The following PPP1R10 variants were observed in gnomAD, a reference collection of about 807,000 sequenced individuals.
The protein encoded by PPP1R10 is serine/threonine-protein phosphatase 1 regulatory subunit 10.
Under a neutral mutation model 99.0 loss-of-function variants are expected in PPP1R10, and 15 were observed. The ratio of observed to expected loss-of-function variants is 0.15; its 90% CI spans 0.10 to 0.23. The LOEUF is 0.23. Ranked by LOEUF, PPP1R10 falls within the 10% of genes least tolerant of loss-of-function variation. PPP1R10 has a pLI of 1.00. For missense variants in PPP1R10, 947 were observed against 1,259.4 expected (o/e 0.75, Z 3.75); for synonymous variants, 430 against 449.5 (o/e 0.96, Z 0.55).
intron 1 of PPP1R10, 21 bp from the exon 2 acceptor site, chr6:30,617,019 G>C (rs887235336): frequency 6.6e-6 from 1 of 152,200 alleles, no homozygotes; most frequent in African/African-American, 2.4e-5. Context: ...AGGAACACAA[G>C]GGAGAAAGAT....
intron 5 of PPP1R10, among the ~76,000 whole-genome samples, chr6:30,608,513 G>A (rs1036749166): frequency 6.6e-6 from 1 of 152,044 alleles, no homozygotes; most frequent in African/African-American, 2.4e-5. Context: ...ACGTCAGCCA[G>A]GATGGTCTCA....
chr6:30,615,387 C>T (rs1760367053), intron 2 of PPP1R10, among the ~76,000 whole-genome samples: 1 of 152,066 alleles, frequency 6.6e-6, no homozygotes, highest in African/African-American at 2.4e-5. Flanking sequence ...GAGGTTCAAC[C>T]GGCTACCATC....
At chr6:30,610,020 G>A in intron 2 of PPP1R10, 65 bp from the exon 3 acceptor site, 2 of 1,002,632 alleles carry the variant, frequency 2.0e-6, no homozygotes, top group Non-Finnish European at 1.6e-6. Context: ...TACCCGAGTA[G>A]GCCCTCTAAT....
intron 2 of PPP1R10, among the ~76,000 whole-genome samples, chr6:30,612,275 T>A (rs1388035863): frequency 1.3e-5 from 2 of 152,178 alleles, no homozygotes; most frequent in Non-Finnish European, 2.9e-5. Flanking sequence ...TTTTTGCATA[T>A]CCAACTACAA....
chr6:30,601,359 G>A lies in PPP1R10; in HGVS notation c.*190C>T. On this transcript the variant is annotated 3_prime_UTR_variant, in exon 20 of 20. Coordinates refer to ENST00000376511, the MANE Select transcript of PPP1R10 (RefSeq NM_002714.4). ...CAGTCTCTCTCCTCCCCAGACTGGA[G>A]GAAAATATGTACATCAATGCGCACC... is the stretch of plus-strand genomic sequence containing the variant. The A allele has an allele frequency of 5.1e-6, 3 of 588,310 alleles. No homozygotes were observed. Among genetic ancestry groups the A allele is most frequent in the South Asian group, 4.3e-5 (2 of 47,008 alleles). The allele number at this position is 588,310 out of a possible 1,614,324, so 36.4% of individuals were successfully genotyped here.
Position 30,606,304 on chromosome 6 carries a change from C to T in PPP1R10, c.635-61G>A. 1 of 1,583,650 alleles carries T rather than the reference C, an allele frequency of 6.3e-7. No individual in the cohort carries two copies. Among genetic ancestry groups the T allele is most frequent in the Non-Finnish European group, 8.6e-7 (1 of 1,158,006 alleles). On this transcript the variant is annotated intron_variant, in intron 8 of 19. Coordinates refer to ENST00000376511, the MANE Select transcript of PPP1R10 (RefSeq NM_002714.4). The surrounding 1 kb of genome is among the most constrained non-coding windows in gnomAD (Gnocchi z 6.3). ...AAACCCCAGACCCCCGAATTTTCCT[C>T]CCGTTCTCACCCGCAAATGTTCTTC...
rs1384255514 is a variant in PPP1R10 at position 30,602,283 on chromosome 6, C to A, written c.2366G>T (p.Gly789Val). 5 of 1,612,066 alleles carry A rather than the reference C, an allele frequency of 3.1e-6. No individual in the cohort carries two copies. The highest frequency in any genetic ancestry group is 2.7e-5 in the African/African-American group (2 of 74,770). ...SGHRPHEGPG[G>V]SMGGGGGHRP... ...ATGTCCTCCACCCCCACCCATGCTACCACCAGGGCCTTCATGGGGGCGATG... is the reference window on the plus strand; with the variant it reads ...ATGTCCTCCACCCCCACCCATGCTAACACCAGGGCCTTCATGGGGGCGATG... Residue 789 changes from glycine (G) to valine (V), a missense_variant, in exon 19 of 20, where the codon GGT (glycine) becomes GTT (valine). Physicochemically the swap from Gly to Val is moderately radical, Grantham distance 109. Around this residue, in one of 10 missense-constraint regions of PPP1R10, gnomAD observed 525 missense variants for 578.8 expected, o/e 0.91. Coordinates refer to ENST00000376511, the MANE Select transcript of PPP1R10 (RefSeq NM_002714.4). The surrounding 1 kb of genome is among the most constrained non-coding windows in gnomAD (Gnocchi z 6.7).
intron 2 of PPP1R10, among the ~76,000 whole-genome samples, chr6:30,612,063 T>C (rs1384464638): frequency 2.0e-5 from 3 of 152,194 alleles, no homozygotes; most frequent in African/African-American, 4.8e-5. Flanking sequence ...TGGGTTCCAA[T>C]AACAACATAT....
At position 30,604,644 on chromosome 6, in the gene PPP1R10, G is replaced by A. The variant is rs1417086223; in HGVS notation, c.1046C>T (p.Ala349Val). 1 of 1,613,108 alleles carries A rather than the reference G, an allele frequency of 6.2e-7. No individual in the cohort carries two copies. Among genetic ancestry groups the A allele is most frequent in the Non-Finnish European group, 8.5e-7 (1 of 1,180,038 alleles). Residue 349 changes from alanine to valine, a missense_variant, in exon 12 of 20, where the codon GCA (alanine) becomes GTA (valine). By Grantham distance (64) the Ala-to-Val change is moderately conservative. Around this residue, in one of 10 missense-constraint regions of PPP1R10, gnomAD observed 100 missense variants for 105.8 expected, o/e 0.94. Transcript: ENST00000376511. This position sits in a 1 kb window ranked among gnomAD's most constrained non-coding sequence, Gnocchi z 7.3. ...GGGAACCGGGGTGCCTGGACGGTCT[G>A]CGTCCATTGCCTCAGAAGGTGGTGC... ...EPAPPSEAMD[A>V]DRPGTPVPPV...
intron 6 of PPP1R10, among the ~76,000 whole-genome samples, chr6:30,607,571 A>G (rs1436849076): frequency 6.6e-6 from 1 of 152,184 alleles, no homozygotes; most frequent in Non-Finnish European, 1.5e-5. Context: ...TTTTAAGTGT[A>G]TGTGTTTTAT....
At chr6:30,608,015 G>T (rs1399785536) in intron 5 of PPP1R10, 124 bp from the exon 6 acceptor site, 3 of 974,870 alleles carry the variant, frequency 3.1e-6, no homozygotes, top group Admixed American at 2.4e-5. Flanking sequence ...TTGAGACGGA[G>T]TCTCACTCTG....
rs1486083832 is a variant in PPP1R10, at chr6:30,604,572, C to G, written c.1102+16G>C. 1 of 1,612,810 alleles carries G rather than the reference C, an allele frequency of 6.2e-7. No homozygotes were observed. The highest frequency in any genetic ancestry group is 1.1e-5 in the South Asian group (1 of 91,044). Reference sequence around the variant, plus strand: ...CTTTCAGAAAACCCCCCAAACTGAACCAGTTTCTAGATTACCTGTATCCAT... The same window carrying G: ...CTTTCAGAAAACCCCCCAAACTGAAGCAGTTTCTAGATTACCTGTATCCAT... On this transcript the variant is annotated intron_variant, in intron 12 of 19. Coordinates refer to ENST00000376511, the MANE Select transcript of PPP1R10 (RefSeq NM_002714.4). This position sits in a 1 kb window ranked among gnomAD's most constrained non-coding sequence, Gnocchi z 7.3.
rs1450310207 is a variant in PPP1R10 at position 30,603,806 on chromosome 6, G to A, written c.1546C>T (p.Pro516Ser). 1 of 1,541,414 alleles carries A rather than the reference G, an allele frequency of 6.5e-7. No individual in the cohort carries two copies. Among genetic ancestry groups the A allele is most frequent in the Non-Finnish European group, 8.7e-7 (1 of 1,145,868 alleles). The change falls in exon 15 of 20, where the codon CCC becomes TCC. Residue 516 changes from proline (P) to serine (S), a missense_variant. Physicochemically the swap from Pro to Ser is moderately conservative, Grantham distance 74. Transcript: ENST00000376511. ...TCATCTAGGGGGATGAGTTTAGGGG[G>A]TATGGGCTCGTAGGGCTCAGGATCA... ...EPDPEPYEPI[P>S]PKLIPLDEEC...
intron 5 of PPP1R10, 144 bp from the exon 6 acceptor site, chr6:30,608,035 C>G: frequency 1.2e-6 from 1 of 829,178 alleles, no homozygotes; most frequent in South Asian, 1.7e-5. Context: ...GTTGCCCAGG[C>G]TAGAGTGCAG....
In PPP1R10 at chr6:30,603,611, C is replaced by G. The variant is rs1483735884; in HGVS notation, c.1628G>C (p.Gly543Ala). The G allele has an allele frequency of 1.2e-6, 2 of 1,613,602 alleles. No homozygotes were observed. The highest frequency in any genetic ancestry group is 2.7e-5 in the African/African-American group (2 of 74,878). ...GCCTCCTGCCCCATCAGGTGAGCCA[C>G]CTGACCCCCCAGGTTCCAGAGTCTC... ...YVETLEPGGS[G>A]GSPDGAGGSK... The change falls in exon 16 of 20, where the codon GGT becomes GCT. Residue 543 changes from glycine (G) to alanine (A), a missense_variant. Transcript: ENST00000376511.
At chr6:30,607,977 T>G in intron 5 of PPP1R10, 86 bp from the exon 6 acceptor site, 53 of 1,039,792 alleles carry the variant, frequency 5.1e-5, no homozygotes, top group Non-Finnish European at 6.3e-5. Context: ...GTTACAGTCC[T>G]CCCTGCTTTT....
At position 30,604,039 on chromosome 6, in the gene PPP1R10, T is replaced by C. The variant is rs773857561; in HGVS notation, c.1477A>G (p.Ile493Val). The change falls in exon 14 of 20, where the codon ATC (isoleucine) becomes GTC (valine). Residue 493 changes from isoleucine to valine, a missense_variant. Coordinates refer to ENST00000376511, the MANE Select transcript of PPP1R10 (RefSeq NM_002714.4). The surrounding 1 kb of genome is among the most constrained non-coding windows in gnomAD (Gnocchi z 7.3). The part of the protein sequence containing the change: ...RYIQAEREKG[I>V]LQELFLNKES... Reference sequence around the variant, plus strand: ...TTGTTCAGGAAGAGCTCCTGAAGGATTCCCTTCTCCCGCTCAGCCTGGATA... The same window carrying C: ...TTGTTCAGGAAGAGCTCCTGAAGGACTCCCTTCTCCCGCTCAGCCTGGATA... 5 of 1,608,492 alleles carry C rather than the reference T, an allele frequency of 3.1e-6. No homozygotes were observed. Among genetic ancestry groups the C allele is most frequent in the South Asian group, 2.2e-5 (2 of 90,554 alleles).
rs1268975716 is a variant in PPP1R10, at chr6:30,607,975, C to T, written c.331-84G>A. ...AGCTAAAAACGACAAAAGTTACAGT[C>T]CTCCCTGCTTTTTTTTTTTTTTTTA... On this transcript the variant is annotated intron_variant, in intron 5 of 19. Coordinates refer to ENST00000376511, the MANE Select transcript of PPP1R10 (RefSeq NM_002714.4). 23 of 1,307,904 alleles carry T rather than the reference C, an allele frequency of 1.8e-5. 1 individual carries two copies. The South Asian group carries it at 2.2e-4, about 12-fold the overall frequency. The allele number at this position is 1,307,904 out of a possible 1,614,324, so 81.0% of individuals were successfully genotyped here.
intron 2 of PPP1R10, among the ~76,000 whole-genome samples, chr6:30,613,753 G>A (rs1804789295): frequency 6.6e-6 from 1 of 152,168 alleles, no homozygotes; most frequent in South Asian, 2.1e-4. Flanking sequence ...TGTTAAGGAA[G>A]ATCTTCTTTA....
Sources: allele counts gnomAD v4.1 joint callset (sites outside exome capture counted in the v4.1 genomes callset), GRCh38; gene constraint gnomAD v4.1.1; regional missense constraint gnomAD v4.1.1; non-coding constraint Gnocchi (gnomAD v3.1); transcripts MANE v1.5; gene names NCBI Gene and HGNC (gene_info 2026-07-23, HGNC 2026-07-21).